Variants in STS observed in about 807,000 individuals in gnomAD.
STS encodes the protein steroid sulfatase, also known as steryl-sulfatase.
A neutral mutation model predicts 26.8 loss-of-function variants in STS; 7 were observed. The observed-to-expected ratio is 0.26, with a 90% CI of 0.15 to 0.49. The LOEUF is 0.49. Ranked by LOEUF, STS falls within the 20% of genes least tolerant of loss-of-function variation. The probability of loss-of-function intolerance (pLI) is 0.98; values close to 1 mark genes in which losing one functional copy is unlikely to be tolerated. For missense variants in STS, 434 were observed against 465.6 expected, an observed-to-expected ratio of 0.93 and a Z score of 0.63; for synonymous variants, 199 against 189.4, an observed-to-expected ratio of 1.05 and a Z score of -0.42.
intron 10 of STS, among the ~76,000 whole-genome samples, chrX:7,334,717 G>A (rs968265130): frequency 7.1e-5 from 8 of 112,571 alleles, no homozygotes; most frequent in African/African-American, 9.7e-5. Context: ...ATGATGGATC[G>A]TGACTCACTG....
chrX:7,328,552 C>T lies in STS; in HGVS notation c.1241+3054C>T, dbSNP rs550277073. Among the ~76,000 whole-genome samples the T allele has an allele frequency of 3.7e-4, 29 of 78,219 alleles. No individual in the cohort carries two copies. In the South Asian group the frequency reaches 0.019, roughly 50 times the overall value. 67.9% of individuals were successfully genotyped at this position (78,219 alleles called of 115,157 possible). ...ATGGACCTCAGAGGTGCTTGCTGAC[C>T]TCATTTTTTTTTTTTTTTTTGAGCA... On this transcript the variant is annotated intron_variant, in intron 9 of 10. Transcript: ENST00000674429.
At chrX:7,192,188 A>C (rs1476066440) in intron 2 of STS, among the ~76,000 whole-genome samples, 3 of 111,718 alleles carry the variant, frequency 2.7e-5, no homozygotes, top group African/African-American at 9.8e-5. Context: ...GGGGCTGGGG[A>C]TTCCATCCCA....
At chrX:7,235,005 C>G (rs1167067234) in intron 2 of STS, among the ~76,000 whole-genome samples, 7 of 111,742 alleles carry the variant, frequency 6.3e-5, no homozygotes, top group Non-Finnish European at 1.3e-4. Flanking sequence ...CTTAACATGC[C>G]AGAGAGGAAT....
chrX:7,185,000 T>C (rs1168930039), intron 1 of STS, among the ~76,000 whole-genome samples: 1 of 112,173 alleles, frequency 8.9e-6, no homozygotes, highest in Non-Finnish European at 1.9e-5. Context: ...TTGCTTCGGC[T>C]TTTTGAGAAG....
At chrX:7,327,298 G>A (rs769920463) in intron 9 of STS, among the ~76,000 whole-genome samples, 3 of 110,746 alleles carry the variant, frequency 2.7e-5, no homozygotes, top group Non-Finnish European at 3.8e-5. Flanking sequence ...TCTGGATCAC[G>A]CTTTGAGACT....
rs1452329255 is a variant in STS at position 7,299,109 on chromosome X, CAT to C, written c.944-5931_944-5930del. 2.3e-4 allele frequency among the ~76,000 whole-genome samples: 20 copies of C among 87,870 alleles called. No homozygotes were observed. The South Asian group carries it at 3.9e-3, about 17-fold the overall frequency. The allele number at this position is 87,870 out of a possible 115,157, so 76.3% of individuals were successfully genotyped here. The stretch of plus-strand genomic sequence containing the variant: ...TAATAATTATGTTATATGTATATAA[CAT>C]ATATAAGTATATATTTATATAATTA... On this transcript the variant is annotated intron_variant, in intron 7 of 10. Transcript: ENST00000674429.
intron 1 of STS, among the ~76,000 whole-genome samples, chrX:7,186,444 G>A (rs1026382062): frequency 6.3e-5 from 7 of 111,446 alleles, no homozygotes; most frequent in African/African-American, 1.3e-4. Context: ...AGGAGACCAC[G>A]AGTGTTAGCA....
chrX:7,281,594 C>T (rs781614053), intron 7 of STS, among the ~76,000 whole-genome samples: 2 of 112,045 alleles, frequency 1.8e-5, no homozygotes, highest in East Asian at 2.8e-4. Flanking sequence ...AAGGGCCATG[C>T]ACCCAACTCG....
intron 1 of STS, among the ~76,000 whole-genome samples, chrX:7,181,747 A>G (rs914753121): frequency 1.8e-5 from 2 of 111,924 alleles, no homozygotes; most frequent in Admixed American, 9.5e-5. Context: ...TCTTTGTTCT[A>G]TGGGTAGATA....
chrX:7,238,987 A>T (rs1159863237), intron 2 of STS, among the ~76,000 whole-genome samples: 1 of 111,605 alleles, frequency 9.0e-6, no homozygotes. Context: ...ACTTTTTTAA[A>T]CATAATTTTT....
intron 2 of STS, among the ~76,000 whole-genome samples, chrX:7,209,299 T>C (rs1920975752): frequency 9.1e-6 from 1 of 110,148 alleles, no homozygotes; most frequent in Non-Finnish European, 1.9e-5. Flanking sequence ...AATTAAAAAC[T>C]GAATTGCAAT....
Position 7,259,663 on chromosome X carries a change from C to T in STS, c.697C>T (p.Arg233Trp), listed in dbSNP as rs909476411. The change falls in exon 6 of 11, where the codon CGG becomes TGG. Residue 233 changes from arginine to tryptophan, a missense_variant. By Grantham distance (101) the Arg-to-Trp change is moderately radical. Coordinates refer to ENST00000674429, the MANE Select transcript of STS (RefSeq NM_001320752.2). ...TLFLGFLHYF[R>W]PLNCFMMRNY... ...TTTCTTGGGCTTCCTTCATTACTTC[C>T]GGCCCCTGAACTGCTTCATGATGAG... 6 of 1,208,994 alleles carry T rather than the reference C, an allele frequency of 5.0e-6. No homozygotes were observed. The highest frequency in any genetic ancestry group is 6.7e-6 in the Non-Finnish European group (6 of 895,008).
intron 10 of STS, among the ~76,000 whole-genome samples, chrX:7,346,175 ACTTCAATT>A (rs1322244191): frequency 8.9e-6 from 1 of 111,944 alleles, no homozygotes; most frequent in Non-Finnish European, 1.9e-5. Context: ...ACTTTTTCTC[ACTTCAATT>A]CTATTTGCCT....
chrX:7,280,447 T>C (rs1389091714), intron 7 of STS, among the ~76,000 whole-genome samples: 1 of 112,005 alleles, frequency 8.9e-6, no homozygotes, highest in African/African-American at 3.2e-5. Context: ...CATGGTGCTA[T>C]TGCAAAGTCT....
intron 2 of STS, among the ~76,000 whole-genome samples, chrX:7,238,654 A>G (rs1460932770): frequency 8.2e-5 from 9 of 110,365 alleles, no homozygotes; most frequent in Non-Finnish European, 1.7e-4. Context: ...CATAGCGAGA[A>G]CCCATCTCTA....
intron 1 of STS, among the ~76,000 whole-genome samples, chrX:7,171,296 G>A (rs1297996304): frequency 1.8e-5 from 2 of 111,085 alleles, no homozygotes; most frequent in Admixed American, 9.6e-5. Context: ...GAAGAAAATA[G>A]GATCTATGAG....
intron 1 of STS, among the ~76,000 whole-genome samples, chrX:7,187,877 AC>A (rs1933802124): frequency 8.9e-6 from 1 of 111,813 alleles, no homozygotes; most frequent in Non-Finnish European, 1.9e-5. Context: ...TCAGACTTGT[AC>A]AACTGGAATT....
chrX:7,245,113 AACTC>A (rs773670327), intron 2 of STS, among the ~76,000 whole-genome samples: 23 of 111,562 alleles, frequency 2.1e-4, no homozygotes, highest in Non-Finnish European at 4.1e-4. Flanking sequence ...GAGGTTATTA[AACTC>A]ACTCTTTTGC....
At chrX:7,189,590 C>T (rs906796284) in intron 1 of STS, among the ~76,000 whole-genome samples, 1 of 111,829 alleles carries the variant, frequency 8.9e-6, no homozygotes, top group African/African-American at 3.3e-5. Context: ...ACCATTTAAA[C>T]ATGTAAACAT....
Sources: gnomAD v4.1 joint callset for allele counts (sites outside exome capture counted in the v4.1 genomes callset) on GRCh38, gnomAD v4.1.1 for gene constraint, MANE v1.5 for transcripts, NCBI Gene and HGNC (gene_info 2026-07-23, HGNC 2026-07-21) for gene names.